The following SCN10A variants were observed in gnomAD, a reference collection of about 807,000 sequenced individuals.
SCN10A encodes the protein sodium voltage-gated channel alpha subunit 10.
In SCN10A, 162 loss-of-function variants were observed where a neutral mutation model predicts 170.7. That is an observed-to-expected ratio of 0.95 (90% CI 0.84 to 1.08). The LOEUF (loss-of-function observed/expected upper bound fraction) is 1.08, where lower values mean the gene tolerates loss of function less well. Among genes scored for constraint, SCN10A ranks in the 50% least tolerant of loss-of-function variants. SCN10A has a pLI of 0.00. For synonymous variants in SCN10A, 985 were observed against 904.6 expected (o/e 1.09, Z -1.59); for missense variants, 2,527 against 2,436.9 (o/e 1.04, Z -0.78).
rs757424866 is a variant in SCN10A, at chr3:38,771,442, G to A, written c.471-35C>T. ...AGGGTAGAAAAGGAGTGTCAACTGTGCCATGGAGTGTACTCAGGGGGTTCC... is the reference window on the plus strand; with the variant it reads ...AGGGTAGAAAAGGAGTGTCAACTGTACCATGGAGTGTACTCAGGGGGTTCC... On this transcript the variant is annotated intron_variant, in intron 4 of 27. Transcript: ENST00000449082. 1.1e-5 allele frequency: 17 copies of A among 1,609,726 alleles called. No homozygotes were observed. In the Admixed American group the frequency reaches 2.0e-4, roughly 19 times the overall value.
rs774457893 is a variant in SCN10A at position 38,728,845 on chromosome 3, G to T, written c.2337C>A (p.Ile779=). The T allele has an allele frequency of 3.1e-6, 5 of 1,614,054 alleles. No individual in the cohort carries two copies. The highest frequency in any genetic ancestry group is 1.3e-5 in the African/African-American group (1 of 74,916). ...CCAGTGCCCCCACTGAGTTTCCGATGATCTTGATGAGTGTGTTTAAGGTGG... is the reference window on the plus strand; with the variant it reads ...CCAGTGCCCCCACTGAGTTTCCGATTATCTTGATGAGTGTGTTTAAGGTGG... ...SWPTLNTLIK[I]IGNSVGALGN... is the part of the protein sequence containing the mutation. Residue 779 remains isoleucine (I), a synonymous_variant, in exon 16 of 28, where the codon ATC becomes ATA. Coordinates refer to ENST00000449082, the MANE Select transcript of SCN10A (RefSeq NM_006514.4).
At chr3:38,702,955 G>A (rs149423420) in intron 26 of SCN10A, among the ~76,000 whole-genome samples, 12 of 152,118 alleles carry the variant, frequency 7.9e-5, no homozygotes, top group Admixed American at 2.0e-4. Context: ...CATTCCCCAC[G>A]CTTTGACCTT....
Position 38,712,284 on chromosome 3 carries a change from AG to A in SCN10A, c.3965del (p.Pro1322LeufsTer5). 6.2e-7 allele frequency: 1 copy of A among 1,614,192 alleles called. No individual in the cohort carries two copies. The highest frequency in any genetic ancestry group is 1.1e-5 in the South Asian group (1 of 91,082). On this transcript the variant is annotated frameshift_variant, in exon 23 of 28. Transcript: ENST00000449082. LOFTEE classifies it high-confidence loss of function. ...NYTDGEFSLV[P>X]LSIVNNKSDC... ...CAGACTTGTTATTCACAATCGACAAAGGTACAAGGGAAAACTCTCCATCGGT... is the reference window on the plus strand; with the variant it reads ...CAGACTTGTTATTCACAATCGACAAAGTACAAGGGAAAACTCTCCATCGGT...
At chr3:38,780,969 A>C (rs1202412526) in intron 4 of SCN10A, among the ~76,000 whole-genome samples, 1 of 152,158 alleles carries the variant, frequency 6.6e-6, no homozygotes, top group African/African-American at 2.4e-5. Flanking sequence ...CAACTGCACA[A>C]GAAGCTGAGG....
chr3:38,767,453 G>A (rs1384081288), intron 5 of SCN10A, among the ~76,000 whole-genome samples: 1 of 151,802 alleles, frequency 6.6e-6, no homozygotes, highest in Non-Finnish European at 1.5e-5. Flanking sequence ...TTATCATTCA[G>A]TTCAAAAAAT....
At chr3:38,722,450 T>C (rs761376071) in intron 19 of SCN10A, 38 bp from the exon 20 acceptor site, 1 of 1,597,312 alleles carries the variant, frequency 6.3e-7, no homozygotes, top group Non-Finnish European at 8.5e-7. Flanking sequence ...TGATGGCCAG[T>C]GGGCAAAGGG....
chr3:38,811,321 C>G (rs957679511), intron 1 of SCN10A, among the ~76,000 whole-genome samples: 1 of 151,830 alleles, frequency 6.6e-6, no homozygotes, highest in African/African-American at 2.4e-5. Context: ...GGCATGGTGG[C>G]GTGAACCTGT....
chr3:38,801,116 G>A (rs1414981895), intron 1 of SCN10A, among the ~76,000 whole-genome samples: 1 of 152,070 alleles, frequency 6.6e-6, no homozygotes, highest in African/African-American at 2.4e-5. Flanking sequence ...AAGACAGAGG[G>A]TTCTTCCGAC....
chr3:38,762,531 G>T (rs1334966744), intron 6 of SCN10A, among the ~76,000 whole-genome samples: 1 of 152,174 alleles, frequency 6.6e-6, no homozygotes, highest in African/African-American at 2.4e-5. Context: ...ATGGTGTGGA[G>T]TATTTGCAGA....
intron 12 of SCN10A, among the ~76,000 whole-genome samples, 154 bp from the exon 13 acceptor site, chr3:38,750,338 T>C (rs1461003644): frequency 6.6e-6 from 1 of 152,210 alleles, no homozygotes; most frequent in Non-Finnish European, 1.5e-5. Context: ...TTAGGTGATT[T>C]CATCATTCTG....
intron 11 of SCN10A, among the ~76,000 whole-genome samples, chr3:38,754,955 A>G (rs2063787516): frequency 6.6e-6 from 1 of 152,142 alleles, no homozygotes; most frequent in Non-Finnish European, 1.5e-5. Context: ...TAGAAAGGGC[A>G]TATTTGGGGT....
At chr3:38,776,552 A>G (rs1016795675) in intron 4 of SCN10A, among the ~76,000 whole-genome samples, 10 of 152,164 alleles carry the variant, frequency 6.6e-5, no homozygotes, top group African/African-American at 2.4e-4. Context: ...CAGTTTTTGA[A>G]GCACATACAC....
At chr3:38,811,277 A>G (rs1169621950) in intron 1 of SCN10A, among the ~76,000 whole-genome samples, 8 of 152,058 alleles carry the variant, frequency 5.3e-5, no homozygotes, top group African/African-American at 1.9e-4. Flanking sequence ...ACATGATGAA[A>G]CCCCATTTCT....
chr3:38,798,226 G>T (rs989104369), intron 1 of SCN10A, among the ~76,000 whole-genome samples: 6 of 152,134 alleles, frequency 3.9e-5, no homozygotes, highest in East Asian at 1.9e-4. Flanking sequence ...GCTCAGAATT[G>T]TTTCACTGAG....
intron 20 of SCN10A, among the ~76,000 whole-genome samples, chr3:38,719,228 T>C (rs963924167): frequency 2.6e-5 from 4 of 152,168 alleles, no homozygotes; most frequent in African/African-American, 9.7e-5. Flanking sequence ...AACACACCTC[T>C]GAAAAAGAAT....
chr3:38,770,206 C>A lies in SCN10A; in HGVS notation c.599+1073G>T, dbSNP rs1238715358. Among the ~76,000 whole-genome samples, 13 of 152,186 alleles carry A rather than the reference C, an allele frequency of 8.5e-5. No homozygotes were observed. The South Asian group carries it at 2.7e-3, about 32-fold the overall frequency. ...TTTGACCTCCAGCCGGTAGGTGATG[C>A]TTTCAAGAGAGCACTAGTGCATTAG... On this transcript the variant is annotated intron_variant, in intron 5 of 27. Transcript: ENST00000449082.
chr3:38,723,147 A>C (rs1214928324), intron 19 of SCN10A, among the ~76,000 whole-genome samples: 1 of 152,120 alleles, frequency 6.6e-6, no homozygotes, highest in Non-Finnish European at 1.5e-5. Flanking sequence ...TCCCCCTTTC[A>C]ACTCAAGAGG....
intron 1 of SCN10A, among the ~76,000 whole-genome samples, chr3:38,795,774 C>T (rs943317689): frequency 6.6e-6 from 1 of 152,070 alleles, no homozygotes; most frequent in African/African-American, 2.4e-5. Context: ...ACTTCAACAG[C>T]GCTAGCATTT....
At position 38,728,808 on chromosome 3, in the gene SCN10A, T is replaced by A. The variant is rs563110484; in HGVS notation, c.2374A>T (p.Ile792Phe). 1.2e-6 allele frequency: 2 copies of A among 1,614,076 alleles called. No individual in the cohort carries two copies. Among genetic ancestry groups the A allele is most frequent in the Non-Finnish European group, 1.7e-6 (2 of 1,180,036 alleles). Reference sequence around the variant, plus strand: ...ACAAAGACAATGATGGCCAGGATGATGGTGAGGTTCCCCAGTGCCCCCACT... The same window carrying A: ...ACAAAGACAATGATGGCCAGGATGAAGGTGAGGTTCCCCAGTGCCCCCACT... The part of the protein sequence containing the change: ...NSVGALGNLT[I>F]ILAIIVFVFA... Residue 792 changes from isoleucine to phenylalanine, a missense_variant, in exon 16 of 28, where the codon ATC becomes TTC. Physicochemically the swap from Ile to Phe is conservative, Grantham distance 21 (BLOSUM62 0). Coordinates refer to ENST00000449082, the MANE Select transcript of SCN10A (RefSeq NM_006514.4).
Sources: allele counts gnomAD v4.1 joint callset (sites outside exome capture counted in the v4.1 genomes callset), GRCh38; gene constraint gnomAD v4.1.1; transcripts MANE v1.5; gene names NCBI Gene and HGNC (gene_info 2026-07-23, HGNC 2026-07-21).